PIP5K1C: variants seen among roughly 807,000 people sequenced by gnomAD.
PIP5K1C encodes the protein phosphatidylinositol-4-phosphate 5-kinase type 1 gamma, also known as phosphatidylinositol 4-phosphate 5-kinase type-1 gamma.
PIP5K1C carries 45 observed loss-of-function variants against 80.1 expected under a neutral mutation model. The ratio of observed to expected loss-of-function variants is 0.56; its 90% CI spans 0.44 to 0.72. The LOEUF is 0.72. Ranked by LOEUF, PIP5K1C falls within the 30% of genes least tolerant of loss-of-function variation. The pLI, the probability that PIP5K1C is intolerant of heterozygous loss-of-function variation, is 0.00. For synonymous variants in PIP5K1C, 498 were observed against 420.1 expected, an observed-to-expected ratio of 1.19 and a Z score of -2.27; for missense variants, 753 against 954.6, an observed-to-expected ratio of 0.79 and a Z score of 2.78.
At chr19:3,687,685 G>A (rs1433453434) in intron 1 of PIP5K1C, among the ~76,000 whole-genome samples, 1 of 152,196 alleles carries the variant, frequency 6.6e-6, no homozygotes, top group Non-Finnish European at 1.5e-5. Flanking sequence ...GGTGGCTGGA[G>A]GGGAGGGTAC....
intron 14 of PIP5K1C, 25 bp downstream of exon 14, chr19:3,642,882 G>C (rs772166396): frequency 1.2e-6 from 2 of 1,604,808 alleles, no homozygotes; most frequent in Non-Finnish European, 1.7e-6. Context: ...GTGAGACCCA[G>C]GGAAGGAAGG....
chr19:3,687,639 A>G (rs1273576283), intron 1 of PIP5K1C, among the ~76,000 whole-genome samples: 1 of 152,044 alleles, frequency 6.6e-6, no homozygotes, highest in Non-Finnish European at 1.5e-5. Context: ...AGAGGACACC[A>G]CAGAACACCT....
intron 15 of PIP5K1C, among the ~76,000 whole-genome samples, chr19:3,640,502 C>T (rs1045387808): frequency 2.0e-5 from 3 of 152,044 alleles, no homozygotes; most frequent in Non-Finnish European, 4.4e-5. Context: ...GGCAACAGAG[C>T]GAGATTCTGT....
chr19:3,641,845 C>A lies in PIP5K1C; in HGVS notation c.1683-36G>T, dbSNP rs769026511. On this transcript the variant is annotated intron_variant, in intron 14 of 17. Transcript: ENST00000335312. ...TGGGAGGTTGTGCCTCGGTTTCCCT[C>A]CTCACTTCCCCCATCCTACCCCCAG... The A allele has an allele frequency of 2.0e-6, 3 of 1,536,366 alleles. No individual in the cohort carries two copies. The South Asian group carries it at 3.4e-5, about 17-fold the overall frequency.
chr19:3,642,712 G>A (rs756487707), intron 14 of PIP5K1C, among the ~76,000 whole-genome samples, 195 bp downstream of exon 14: 13 of 152,102 alleles, frequency 8.5e-5, no homozygotes, highest in Non-Finnish European at 1.5e-4. Context: ...GACCAGAGCT[G>A]CCCTGGCTCT....
At chr19:3,636,035 T>C (rs988952302) in intron 16 of PIP5K1C, among the ~76,000 whole-genome samples, 2 of 152,010 alleles carry the variant, frequency 1.3e-5, no homozygotes, top group Admixed American at 6.6e-5. Context: ...CAGGCGCCTG[T>C]AATCTCAGCT....
At chr19:3,660,379 C>T (rs867620057) in intron 5 of PIP5K1C, among the ~76,000 whole-genome samples, 1 of 143,432 alleles carries the variant, frequency 7.0e-6, no homozygotes, top group Non-Finnish European at 1.5e-5. Flanking sequence ...GACTCTGTCT[C>T]GAAAAAAAAA....
intron 1 of PIP5K1C, among the ~76,000 whole-genome samples, chr19:3,685,373 C>T (rs949555864): frequency 6.6e-6 from 1 of 152,190 alleles, no homozygotes; most frequent in Non-Finnish European, 1.5e-5. Context: ...TAAGGTCCTA[C>T]AAAGACTGTC....
chr19:3,638,855 C>T (rs983921725), intron 16 of PIP5K1C, 29 bp downstream of exon 16: 20 of 1,612,398 alleles, frequency 1.2e-5, no homozygotes, highest in African/African-American at 9.4e-5. Flanking sequence ...GTTGACGAGC[C>T]GGCGGCAGGA....
At chr19:3,635,176 C>A (rs547904213) in intron 16 of PIP5K1C, among the ~76,000 whole-genome samples, 1 of 152,358 alleles carries the variant, frequency 6.6e-6, no homozygotes, top group East Asian at 1.9e-4. Context: ...ACCTCAGAGC[C>A]GCTCTCTGGG....
chr19:3,699,418 C>T (rs531231550), intron 1 of PIP5K1C, among the ~76,000 whole-genome samples: 5 of 152,296 alleles, frequency 3.3e-5, no homozygotes, highest in Admixed American at 1.3e-4. Context: ...ATCGCCCGCC[C>T]GCCCGCTTGC....
At chr19:3,693,335 C>A (rs530068987) in intron 1 of PIP5K1C, among the ~76,000 whole-genome samples, 2 of 152,290 alleles carry the variant, frequency 1.3e-5, no homozygotes, top group East Asian at 1.9e-4. Context: ...CCCCTCGCAC[C>A]CCCATGCCAG....
intron 1 of PIP5K1C, among the ~76,000 whole-genome samples, chr19:3,670,225 G>A (rs2145524156): frequency 6.6e-6 from 1 of 152,308 alleles, no homozygotes; most frequent in East Asian, 1.9e-4. Context: ...GTGCGGGGTT[G>A]GACGGTGTCC....
At chr19:3,699,653 G>C (rs1156424191) in intron 1 of PIP5K1C, among the ~76,000 whole-genome samples, 1 of 152,176 alleles carries the variant, frequency 6.6e-6, no homozygotes, top group Non-Finnish European at 1.5e-5. Context: ...CCCAGCTGCC[G>C]CCACCTACCC....
intron 12 of PIP5K1C, 51 bp downstream of exon 12, chr19:3,644,036 G>A: frequency 1.3e-6 from 2 of 1,591,020 alleles, no homozygotes; most frequent in Non-Finnish European, 1.7e-6. Context: ...CGGGGCTGCT[G>A]CTGGCACCCC....
At chr19:3,633,638 A>G in intron 16 of PIP5K1C, 118 bp from the exon 17 acceptor site, 1 of 641,758 alleles carries the variant, frequency 1.6e-6, no homozygotes, top group Non-Finnish European at 2.3e-6. Flanking sequence ...TCCCCCATGG[A>G]AGACGAGGGG....
chr19:3,678,773 C>T (rs1265221910), intron 1 of PIP5K1C, among the ~76,000 whole-genome samples: 6 of 19,630 alleles, frequency 3.1e-4, no homozygotes, highest in Admixed American at 7.6e-4. Context: ...GATGGCAGGA[C>T]GGAGGGAGGG....
At chr19:3,700,191 C>G in intron 1 of PIP5K1C, 106 bp downstream of exon 1, 1 of 572,440 alleles carries the variant, frequency 1.7e-6, no homozygotes, top group African/African-American at 2.0e-5. Flanking sequence ...GAACCGGCGG[C>G]GCCCCCGCAG....
rs1018686576 is a variant in PIP5K1C at position 3,637,463 on chromosome 19, G to A, written c.1920+1421C>T. 7.8e-6 allele frequency: 12 copies of A among 1,535,572 alleles called. No homozygotes were observed. Among genetic ancestry groups the A allele is most frequent in the African/African-American group, 5.5e-5 (4 of 73,038 alleles). ...GACGTCAGACACTGAGCTTCCGGCC[G>A]GGGACCTGCGGCTCCCTGCTGCCCG... On this transcript the variant is annotated intron_variant, in intron 16 of 17. Coordinates refer to ENST00000335312, the MANE Select transcript of PIP5K1C (RefSeq NM_012398.3). The surrounding 1 kb of genome is among the most constrained non-coding windows in gnomAD (Gnocchi z 7.0).
Sources: gnomAD v4.1 joint callset for allele counts (sites outside exome capture counted in the v4.1 genomes callset) on GRCh38, gnomAD v4.1.1 for gene constraint, Gnocchi (gnomAD v3.1) non-coding constraint, MANE v1.5 for transcripts, NCBI Gene and HGNC (gene_info 2026-07-23, HGNC 2026-07-21) for gene names.